The following YPEL1 variants were observed in gnomAD, a reference collection of about 807,000 sequenced individuals.
The protein encoded by YPEL1 is yippee like 1, also known as protein yippee-like 1.
YPEL1 carries 7 observed loss-of-function variants against 17.3 expected under a neutral mutation model. The ratio of observed to expected loss-of-function variants is 0.40; its 90% CI spans 0.23 to 0.76. YPEL1 has a LOEUF of 0.76. YPEL1 is among the 30% of genes least tolerant of loss of function. The pLI, the probability that YPEL1 is intolerant of heterozygous loss-of-function variation, is 0.35. For missense variants in YPEL1, 91 were observed against 155.5 expected, an observed-to-expected ratio of 0.59 and a Z score of 2.21; for synonymous variants, 59 against 59.6, an observed-to-expected ratio of 0.99 and a Z score of 0.05.
At chr22:21,719,075 C>A (rs765910589) in intron 1 of YPEL1, among the ~76,000 whole-genome samples, 1 of 152,184 alleles carries the variant, frequency 6.6e-6, no homozygotes, top group Non-Finnish European at 1.5e-5. Flanking sequence ...TGAATCTGAA[C>A]CCTGCCATCT....
chr22:21,705,856 G>A (rs185950148), intron 2 of YPEL1, among the ~76,000 whole-genome samples: 52 of 152,204 alleles, frequency 3.4e-4, no homozygotes, highest in African/African-American at 1.2e-3. Flanking sequence ...TAGGCCAGGC[G>A]CGGTGGCTCA....
intron 2 of YPEL1, among the ~76,000 whole-genome samples, chr22:21,705,867 C>A (rs1278464788): frequency 6.6e-6 from 1 of 151,192 alleles, no homozygotes. Context: ...CGGTGGCTCA[C>A]GCATGTAATC....
At chr22:21,707,885 C>T (rs765558036) in intron 2 of YPEL1, among the ~76,000 whole-genome samples, 4 of 152,204 alleles carry the variant, frequency 2.6e-5, no homozygotes, top group Non-Finnish European at 5.9e-5. Context: ...CAGATGAGCA[C>T]AGCTGTGATC....
chr22:21,729,905 T>C (rs2068371454), intron 1 of YPEL1, among the ~76,000 whole-genome samples: 1 of 152,120 alleles, frequency 6.6e-6, no homozygotes, highest in Non-Finnish European at 1.5e-5. Flanking sequence ...CCCAGCACTT[T>C]AGGAGGCCGA....
intron 1 of YPEL1, among the ~76,000 whole-genome samples, chr22:21,725,402 GT>G (rs1382262487): frequency 1.3e-5 from 2 of 151,308 alleles, no homozygotes; most frequent in East Asian, 2.0e-4. Context: ...TGTATTTTTT[GT>G]ATTCTTTGGT....
chr22:21,708,225 C>CTGA (rs1296489389), intron 2 of YPEL1, among the ~76,000 whole-genome samples: 3 of 151,814 alleles, frequency 2.0e-5, no homozygotes, highest in Non-Finnish European at 4.4e-5. Context: ...GGCACGAGGT[C>CTGA]TGATCCTTCC....
chr22:21,728,332 G>C (rs2148614665), intron 1 of YPEL1, among the ~76,000 whole-genome samples: 1 of 152,254 alleles, frequency 6.6e-6, no homozygotes, highest in Non-Finnish European at 1.5e-5. Flanking sequence ...GGATTAGAAA[G>C]ATGAAAAGGC....
intron 1 of YPEL1, among the ~76,000 whole-genome samples, chr22:21,711,461 C>T (rs980783733): frequency 3.9e-5 from 6 of 152,106 alleles, no homozygotes; most frequent in Non-Finnish European, 5.9e-5. Flanking sequence ...CTGGATGCAC[C>T]CCACCCCGAA....
At position 21,700,995 on chromosome 22, in the gene YPEL1, T is replaced by G. The variant is rs960121153; in HGVS notation, c.*134A>C. The G allele has an allele frequency of 7.7e-6, 5 of 648,438 alleles. No individual in the cohort carries two copies. The highest frequency in any genetic ancestry group is 1.8e-5 in the African/African-American group (1 of 55,046). The allele number at this position is 648,438 out of a possible 1,614,324, so 40.2% of individuals were successfully genotyped here. A position where few individuals can be genotyped will look rare whatever the true frequency, so the allele number is the denominator to read the frequency against. ...CCTTACCCACAGAGATGGCCGAGAGTGTCAAGAGCTATGCGCAGCTAGCCT... is the reference window on the plus strand; with the variant it reads ...CCTTACCCACAGAGATGGCCGAGAGGGTCAAGAGCTATGCGCAGCTAGCCT... On this transcript the variant is annotated 3_prime_UTR_variant, in exon 5 of 5. Transcript: ENST00000339468.
At chr22:21,712,587 G>A (rs904325391) in intron 1 of YPEL1, among the ~76,000 whole-genome samples, 1 of 151,566 alleles carries the variant, frequency 6.6e-6, no homozygotes, top group Non-Finnish European at 1.5e-5. Context: ...TTAGCCGGGC[G>A]TGGTGGCGGG....
chr22:21,729,104 T>C (rs896983088), intron 1 of YPEL1, among the ~76,000 whole-genome samples: 8 of 144,978 alleles, frequency 5.5e-5, no homozygotes, highest in Non-Finnish European at 9.0e-5. Flanking sequence ...GATTGCGCCA[T>C]TGTACTCCAG....
intron 1 of YPEL1, among the ~76,000 whole-genome samples, chr22:21,718,390 A>G (rs1016311004): frequency 1.3e-5 from 2 of 151,924 alleles, no homozygotes; most frequent in African/African-American, 4.8e-5. Context: ...GCGTGAACTC[A>G]GGAGGTGGAG....
Position 21,703,907 on chromosome 22 carries a change from T to C in YPEL1, c.118-25A>G. ...ACTGAAAGAAGAAGGTCCCGTGAGA[T>C]TGGCTGCGAGTGCTTTCTGGAACGA... On this transcript the variant is annotated intron_variant, in intron 2 of 4. Coordinates refer to ENST00000339468, the MANE Select transcript of YPEL1 (RefSeq NM_013313.5). This position sits in a 1 kb window ranked among gnomAD's most constrained non-coding sequence, Gnocchi z 6.1. 3 of 1,580,178 alleles carry C rather than the reference T, an allele frequency of 1.9e-6. No individual in the cohort carries two copies. The highest frequency in any genetic ancestry group is 2.3e-5 in the South Asian group (2 of 86,228).
rs1487371176 is a variant in YPEL1, at chr22:21,704,261, G to A, written c.118-379C>T. 5 of 702,022 alleles carry A rather than the reference G, an allele frequency of 7.1e-6. No homozygotes were observed. In the African/African-American group the frequency reaches 8.8e-5, roughly 12 times the overall value. 43.5% of individuals were successfully genotyped at this position (702,022 alleles called of 1,614,324 possible). On this transcript the variant is annotated intron_variant, in intron 2 of 4. Transcript: ENST00000339468. ...CCGAAAACCCACAGATCCTCAAAAT[G>A]CTCTCCTCGCCGCCTCTTCTGCAGC...
intron 1 of YPEL1, among the ~76,000 whole-genome samples, chr22:21,715,455 C>T (rs1282049608): frequency 1.3e-5 from 2 of 151,926 alleles, no homozygotes; most frequent in Non-Finnish European, 2.9e-5. Context: ...GATTGCACCA[C>T]TGCACTCCAG....
intron 1 of YPEL1, among the ~76,000 whole-genome samples, chr22:21,725,382 G>A (rs1569065481): frequency 6.6e-6 from 1 of 151,800 alleles, no homozygotes; most frequent in Admixed American, 6.6e-5. Flanking sequence ...ACCACACCCG[G>A]CTAATTTTTT....
intron 1 of YPEL1, among the ~76,000 whole-genome samples, chr22:21,732,508 G>A (rs2148616752): frequency 6.6e-6 from 1 of 152,294 alleles, no homozygotes; most frequent in Non-Finnish European, 1.5e-5. Flanking sequence ...TTGGCCAGGC[G>A]CGGTGGCTCA....
chr22:21,719,650 T>A (rs1280191387), intron 1 of YPEL1, among the ~76,000 whole-genome samples: 1 of 152,014 alleles, frequency 6.6e-6, no homozygotes, highest in Non-Finnish European at 1.5e-5. Flanking sequence ...TTTGGGAGGG[T>A]GAGGCAGGAG....
At chr22:21,719,355 A>G (rs1419057448) in intron 1 of YPEL1, among the ~76,000 whole-genome samples, 1 of 152,224 alleles carries the variant, frequency 6.6e-6, no homozygotes, top group Non-Finnish European at 1.5e-5. Context: ...GATATTTTCA[A>G]CTAAGTTTCT....
Sources: allele counts gnomAD v4.1 joint callset (sites outside exome capture counted in the v4.1 genomes callset), GRCh38; gene constraint gnomAD v4.1.1; non-coding constraint Gnocchi (gnomAD v3.1); transcripts MANE v1.5; gene names NCBI Gene and HGNC (gene_info 2026-07-23, HGNC 2026-07-21).